NOS3: variants seen among roughly 807,000 people sequenced by gnomAD.
NOS3 encodes NOS type III.
In NOS3, 98 loss-of-function variants were observed where a neutral mutation model predicts 144.9. The ratio of observed to expected loss-of-function variants is 0.68; its 90% CI spans 0.57 to 0.80. NOS3 has a LOEUF of 0.80. Among genes scored for constraint, NOS3 ranks in the 30% least tolerant of loss-of-function variants. The pLI, the probability that NOS3 is intolerant of heterozygous loss-of-function variation, is 0.00. For synonymous variants in NOS3, 714 were observed against 702.4 expected (o/e 1.02, Z -0.26); for missense variants, 1,465 against 1,656.4 (o/e 0.88, Z 2.01).
chr7:151,004,711 T>C (rs1795179576), intron 14 of NOS3, among the ~76,000 whole-genome samples: 1 of 152,220 alleles, frequency 6.6e-6, no homozygotes, highest in South Asian at 2.1e-4. Flanking sequence ...CAGGGTTCAC[T>C]TTATATAAAG....
Position 151,002,566 on chromosome 7 carries a change from C to T in NOS3, c.1752+262C>T, listed in dbSNP as rs905225309. On this transcript the variant is annotated intron_variant, in intron 14 of 26. Coordinates refer to ENST00000297494, the MANE Select transcript of NOS3 (RefSeq NM_000603.5). The surrounding 1 kb of genome is among the most constrained non-coding windows in gnomAD (Gnocchi z 4.1). ...CCCTGCAAGCACATTTGCTTAACTGCGCGTCCCCAAGTCATTTCCATTATC... is the reference window on the plus strand; with the variant it reads ...CCCTGCAAGCACATTTGCTTAACTGTGCGTCCCCAAGTCATTTCCATTATC... 6.6e-6 allele frequency among the ~76,000 whole-genome samples: 1 copy of T among 152,204 alleles called. No homozygotes were observed. Among genetic ancestry groups the T allele is most frequent in the African/African-American group, 2.4e-5 (1 of 41,442 alleles).
rs770778320 is a variant in NOS3 at position 151,010,724 on chromosome 7, G to A, written c.2813G>A (p.Arg938Gln). The stretch of plus-strand genomic sequence containing the variant: ...ACCCAGCTGCCTCTGCTCCAGCCCC[G>A]GTACTACTCAGTCAGCTCGGCACCC... ...LLTQLPLLQP[R>Q]YYSVSSAPST... is the part of the protein sequence containing the mutation. The change falls in exon 22 of 27, where the codon CGG (arginine) becomes CAG (glutamine). Residue 938 changes from arginine (R) to glutamine (Q), a missense_variant. Transcript: ENST00000297494. The A allele has an allele frequency of 5.0e-6, 8 of 1,613,156 alleles. No individual in the cohort carries two copies. Among genetic ancestry groups the A allele is most frequent in the East Asian group, 2.2e-5 (1 of 44,824 alleles).
rs1795393456 is a variant in NOS3, at chr7:151,014,351, C to G, written c.*182C>G. 1 of 678,508 alleles carries G rather than the reference C, an allele frequency of 1.5e-6. No individual in the cohort carries two copies. The highest frequency in any genetic ancestry group is 1.8e-5 in the African/African-American group (1 of 54,970). The allele number at this position is 678,508 out of a possible 1,614,324, so 42.0% of individuals were successfully genotyped here. On this transcript the variant is annotated 3_prime_UTR_variant, in exon 27 of 27. Transcript: ENST00000297494. ...AAAACGCCTCTTTTCCCTCTCTAGG[C>G]CTGTTGCCTCGGGCCTGGGTCCGCC... is the stretch of plus-strand genomic sequence containing the variant.
chr7:151,002,452 AC>A lies in NOS3; in HGVS notation c.1752+149del, dbSNP rs1301868316. The A allele has an allele frequency of 4.1e-6, 2 of 492,006 alleles. No homozygotes were observed. Among genetic ancestry groups the A allele is most frequent in the Non-Finnish European group, 7.3e-6 (2 of 272,702 alleles). The allele number at this position is 492,006 out of a possible 1,614,324, so 30.5% of individuals were successfully genotyped here. A position where few individuals can be genotyped will look rare whatever the true frequency, so the allele number is the denominator to read the frequency against. On this transcript the variant is annotated intron_variant, in intron 14 of 26. Coordinates refer to ENST00000297494, the MANE Select transcript of NOS3 (RefSeq NM_000603.5). This position sits in a 1 kb window ranked among gnomAD's most constrained non-coding sequence, Gnocchi z 4.1. ...CACACACACACACACACACACACAC[AC>A]GCCAGGATGGAAAGGGAGATGCTAA...
chr7:150,995,419 C>A, intron 3 of NOS3, 105 bp downstream of exon 3: 1 of 693,346 alleles, frequency 1.4e-6, no homozygotes, highest in Non-Finnish European at 2.5e-6. Context: ...TTGAATTGGT[C>A]CCTTGTTTCC....
chr7:150,993,967 G>A lies in NOS3; in HGVS notation c.158+6G>A, dbSNP rs1370179424. 2 of 1,556,152 alleles carry A rather than the reference G, an allele frequency of 1.3e-6. No homozygotes were observed. The highest frequency in any genetic ancestry group is 1.7e-6 in the Non-Finnish European group (2 of 1,153,802). On this transcript the variant is annotated splice_donor_region_variant and intron_variant, in intron 2 of 26. Transcript: ENST00000297494. This position sits in a 1 kb window ranked among gnomAD's most constrained non-coding sequence, Gnocchi z 4.0. ...CCACCAGCGCCAGAACACAGGTAAG[G>A]GCCAGGCAGCTAGGAGCAGGTGGGC...
intron 14 of NOS3, 26 bp from the exon 15 acceptor site, chr7:151,006,401 C>G (rs763012895): frequency 1.3e-6 from 2 of 1,595,862 alleles, no homozygotes; most frequent in African/African-American, 1.3e-5. Flanking sequence ...CAAAACTAAC[C>G]CTGATGCAAA....
chr7:151,012,942 A>T, intron 24 of NOS3: 1 of 466,222 alleles, frequency 2.1e-6, no homozygotes, highest in South Asian at 3.2e-5. Context: ...GGGGACTGCG[A>T]TGTCACACAA....
chr7:151,001,487 G>A, intron 11 of NOS3, 57 bp from the exon 12 acceptor site: 10 of 1,605,982 alleles, frequency 6.2e-6, no homozygotes, highest in Admixed American at 1.7e-5. Context: ...AGCCCCTGGG[G>A]ACCTCTAACC....
chr7:151,013,991 G>C lies in NOS3; in HGVS notation c.3451-17G>C. 1.9e-6 allele frequency: 3 copies of C among 1,611,038 alleles called. No individual in the cohort carries two copies. The highest frequency in any genetic ancestry group is 1.7e-6 in the Non-Finnish European group (2 of 1,177,966). ...TCTCCGAGTCGGGTTCTGATCCACT[G>C]TGCTCTTTTCCGACAGGATCAGCAA... On this transcript the variant is annotated splice_polypyrimidine_tract_variant and intron_variant, in intron 26 of 26. Transcript: ENST00000297494.
At position 150,993,847 on chromosome 7, in the gene NOS3, G is replaced by T. The variant is rs755834879; in HGVS notation, c.44G>T (p.Cys15Phe). ...GTGGCCCAGGAGCCTGGGCCACCCT[G>T]CGGCCTGGGGCTGGGGCTGGGCCTT... ...KSVAQEPGPPCGLGLGLGLGL... is the reference protein window; with the variant it reads ...KSVAQEPGPPFGLGLGLGLGL... Residue 15 changes from cysteine to phenylalanine, a missense_variant, in exon 2 of 27, where the codon TGC becomes TTC. By Grantham distance (205) the Cys-to-Phe change is radical. This residue lies in a region of NOS3 where 374 missense variants were observed against 377.0 expected (regional missense o/e 0.99). Transcript: ENST00000297494. This position sits in a 1 kb window ranked among gnomAD's most constrained non-coding sequence, Gnocchi z 4.0. 2 of 1,601,816 alleles carry T rather than the reference G, an allele frequency of 1.2e-6. No individual in the cohort carries two copies. Among genetic ancestry groups the T allele is most frequent in the Non-Finnish European group, 1.7e-6 (2 of 1,176,726 alleles).
In NOS3 at chr7:151,010,261, C is replaced by G; in HGVS notation, c.2659C>G (p.Gln887Glu). 1 of 1,612,974 alleles carries G rather than the reference C, an allele frequency of 6.2e-7. No homozygotes were observed. The highest frequency in any genetic ancestry group is 1.3e-5 in the African/African-American group (1 of 75,040). The change falls in exon 21 of 27, where the codon CAG becomes GAG. Residue 887 changes from glutamine to glutamate, a missense_variant. By Grantham distance (29) the Gln-to-Glu change is conservative. Coordinates refer to ENST00000297494, the MANE Select transcript of NOS3 (RefSeq NM_000603.5). ...CACCTTGGCAGAAGAGCCCAGGGAA[C>G]AGCAGGAGCTGGAGGCCCTCAGCCA... Reference protein sequence around the residue: ...LSTLAEEPREQQELEALSQDP... With the variant: ...LSTLAEEPREEQELEALSQDP...
intron 4 of NOS3, 78 bp from the exon 5 acceptor site, chr7:150,996,685 T>C: frequency 6.6e-7 from 1 of 1,518,584 alleles, no homozygotes; most frequent in Non-Finnish European, 9.0e-7. Context: ...CCCCCAGCAC[T>C]TGCACAAAGC....
rs2117096591 is a variant in NOS3 at position 150,994,454 on chromosome 7, G to C, written c.158+493G>C. On this transcript the variant is annotated intron_variant, in intron 2 of 26. Transcript: ENST00000297494. ...GTTGGGCAGGAAACTCGGGCCCTTG[G>C]GGTAAGCAGGCTGAGAAGACAGAGC... Among the ~76,000 whole-genome samples, 2 of 152,286 alleles carry C rather than the reference G, an allele frequency of 1.3e-5. 1 individual carries two copies. The highest frequency in any genetic ancestry group is 4.1e-4 in the South Asian group (2 of 4,824).
intron 5 of NOS3, among the ~76,000 whole-genome samples, chr7:150,997,248 G>A (rs1404475434): frequency 2.0e-5 from 3 of 151,564 alleles, no homozygotes; most frequent in African/African-American, 4.9e-5. Context: ...CTGCAGGGGT[G>A]AGGAAGTCTA....
Position 151,009,273 on chromosome 7 carries a change from G to A in NOS3, c.2324+6G>A. The A allele has an allele frequency of 6.2e-7, 1 of 1,611,260 alleles. No individual in the cohort carries two copies. Among genetic ancestry groups the A allele is most frequent in the Non-Finnish European group, 8.5e-7 (1 of 1,178,192 alleles). On this transcript the variant is annotated splice_donor_region_variant and intron_variant, in intron 19 of 26. Transcript: ENST00000297494. Reference sequence around the variant, plus strand: ...CTGCAAAGCAGCAAGTCCACGTGAGGACGACGGCTTTACCGCCCCCCCACC... The same window carrying A: ...CTGCAAAGCAGCAAGTCCACGTGAGAACGACGGCTTTACCGCCCCCCCACC...
rs547845670 is a variant in NOS3, at chr7:150,993,831, G to A, written c.28G>A (p.Glu10Lys). 1 of 1,599,706 alleles carries A rather than the reference G, an allele frequency of 6.3e-7. No homozygotes were observed. Among genetic ancestry groups the A allele is most frequent in the East Asian group, 2.2e-5 (1 of 44,728 alleles). Residue 10 changes from glutamate (E) to lysine (K), a missense_variant, in exon 2 of 27, where the codon GAG becomes AAG. Glu to Lys is a moderately conservative substitution (Grantham distance 56). Coordinates refer to ENST00000297494, the MANE Select transcript of NOS3 (RefSeq NM_000603.5). The surrounding 1 kb of genome is among the most constrained non-coding windows in gnomAD (Gnocchi z 4.0). The part of the protein sequence containing the change: MGNLKSVAQ[E>K]PGPPCGLGLG... ...GGGCAACTTGAAGAGCGTGGCCCAG[G>A]AGCCTGGGCCACCCTGCGGCCTGGG...
chr7:151,006,387 G>T (rs775534743), intron 14 of NOS3, 40 bp from the exon 15 acceptor site: 3 of 1,509,096 alleles, frequency 2.0e-6, no homozygotes, highest in Non-Finnish European at 2.8e-6. Context: ...AGTTTGAAAT[G>T]AAACAAAACT....
intron 24 of NOS3, 52 bp downstream of exon 24, chr7:151,012,524 C>A: frequency 6.4e-7 from 1 of 1,574,096 alleles, no homozygotes; most frequent in Non-Finnish European, 8.7e-7. Flanking sequence ...AATCTAGGGA[C>A]AGAGGGGTGG....
Sources: gnomAD v4.1 joint callset for allele counts (sites outside exome capture counted in the v4.1 genomes callset) on GRCh38, gnomAD v4.1.1 for gene constraint, gnomAD v4.1.1 regional missense constraint, Gnocchi (gnomAD v3.1) non-coding constraint, MANE v1.5 for transcripts, NCBI Gene and HGNC (gene_info 2026-07-23, HGNC 2026-07-21) for gene names.